The following MAGI2 variants were observed in gnomAD, a reference collection of about 807,000 sequenced individuals.
MAGI2 encodes membrane-associated guanylate kinase, WW and PDZ domain-containing protein 2.
Under a neutral mutation model 133.3 loss-of-function variants are expected in MAGI2, and 35 were observed. The ratio of observed to expected loss-of-function variants is 0.26; its 90% CI spans 0.20 to 0.35. MAGI2 has a LOEUF of 0.35. Among genes scored for constraint, MAGI2 ranks in the 10% least tolerant of loss-of-function variants. The pLI, the probability that MAGI2 is intolerant of heterozygous loss-of-function variation, is 1.00. For synonymous variants in MAGI2, 729 were observed against 710.6 expected, an observed-to-expected ratio of 1.03 and a Z score of -0.41; for missense variants, 1,636 against 1,863.4, an observed-to-expected ratio of 0.88 and a Z score of 2.25.
intron 2 of MAGI2, among the ~76,000 whole-genome samples, chr7:78,726,678 A>G (rs941857389): frequency 3.9e-5 from 6 of 152,196 alleles, no homozygotes; most frequent in African/African-American, 1.4e-4. Context: ...CCAAGTAATA[A>G]TCTAGAATGC....
At chr7:79,315,732 A>T (rs1465744641) in intron 1 of MAGI2, among the ~76,000 whole-genome samples, 1 of 152,196 alleles carries the variant, frequency 6.6e-6, no homozygotes, top group Non-Finnish European at 1.5e-5. Context: ...TAGAGCATAA[A>T]GTCCAGTAAC....
chr7:78,538,209 A>G (rs971550776), intron 3 of MAGI2, among the ~76,000 whole-genome samples: 2 of 152,166 alleles, frequency 1.3e-5, no homozygotes, highest in African/African-American at 4.8e-5. Context: ...TGCCAGCACC[A>G]TGCTGTTTTG....
intron 1 of MAGI2, among the ~76,000 whole-genome samples, chr7:79,333,150 T>C (rs1840207200): frequency 6.6e-6 from 1 of 152,116 alleles, no homozygotes; most frequent in South Asian, 2.1e-4. Flanking sequence ...TTTTTCTTTT[T>C]TCTTTTTCTG....
chr7:78,752,113 A>C (rs1159512716), intron 2 of MAGI2, among the ~76,000 whole-genome samples: 1 of 152,186 alleles, frequency 6.6e-6, no homozygotes, highest in Admixed American at 6.5e-5. Context: ...TTTTGCTCTG[A>C]ATTCAATGGT....
intron 6 of MAGI2, among the ~76,000 whole-genome samples, chr7:78,455,431 A>G (rs1408137700): frequency 6.6e-6 from 1 of 152,128 alleles, no homozygotes; most frequent in Non-Finnish European, 1.5e-5. Flanking sequence ...CCTTGCTTCT[A>G]GCATTCATAC....
intron 12 of MAGI2, among the ~76,000 whole-genome samples, chr7:78,187,397 G>A (rs996177854): frequency 9.1e-4 from 138 of 152,144 alleles, no homozygotes; most frequent in African/African-American, 3.1e-3. Flanking sequence ...GAAAGGCAGA[G>A]AATAAGAATA....
intron 3 of MAGI2, among the ~76,000 whole-genome samples, chr7:78,539,453 A>T (rs1488648659): frequency 6.6e-6 from 1 of 151,436 alleles, no homozygotes; most frequent in Admixed American, 6.6e-5. Flanking sequence ...TATGTTCATC[A>T]GGGATATTGG....
intron 1 of MAGI2, among the ~76,000 whole-genome samples, chr7:79,098,867 C>T (rs1817731931): frequency 6.6e-6 from 1 of 152,198 alleles, no homozygotes; most frequent in Admixed American, 6.5e-5. Flanking sequence ...TGTTCTCCCA[C>T]AGTTATGCAC....
intron 1 of MAGI2, among the ~76,000 whole-genome samples, chr7:79,381,192 C>T (rs1563170743): frequency 6.6e-6 from 1 of 151,664 alleles, no homozygotes; most frequent in Non-Finnish European, 1.5e-5. Context: ...TCTGCATCTC[C>T]TTTTTTTGTT....
intron 6 of MAGI2, among the ~76,000 whole-genome samples, chr7:78,466,251 C>A (rs1242326659): frequency 6.6e-6 from 1 of 152,196 alleles, no homozygotes. Flanking sequence ...GCTCCCTTTC[C>A]ACTCAGCCTA....
chr7:79,385,813 T>C (rs771636055), intron 1 of MAGI2, among the ~76,000 whole-genome samples: 2 of 151,984 alleles, frequency 1.3e-5, no homozygotes, highest in East Asian at 1.9e-4. Flanking sequence ...GTATTAGGGA[T>C]CTTTGTTAAA....
At chr7:78,641,214 A>T (rs1584936963) in intron 2 of MAGI2, among the ~76,000 whole-genome samples, 3 of 152,320 alleles carry the variant, frequency 2.0e-5, no homozygotes, top group South Asian at 2.1e-4. Context: ...GTATGTTCTC[A>T]TAGCAGTGTA....
chr7:78,628,511 G>T (rs1159662713), intron 2 of MAGI2, among the ~76,000 whole-genome samples: 1 of 152,018 alleles, frequency 6.6e-6, no homozygotes, highest in Non-Finnish European at 1.5e-5. Flanking sequence ...GAAGCAGAAG[G>T]TAATGTCAGA....
intron 11 of MAGI2, among the ~76,000 whole-genome samples, chr7:78,196,614 A>G (rs1828761213): frequency 6.6e-6 from 1 of 151,822 alleles, no homozygotes; most frequent in Non-Finnish European, 1.5e-5. Context: ...GGTGCCATAT[A>G]CTCCAGTGTT....
rs535297273 is a variant in MAGI2, at chr7:78,060,820, G to A, written c.3706+18127C>T. On this transcript the variant is annotated intron_variant, in intron 21 of 21. Transcript: ENST00000354212. ...TAATGGAGTATTGTGTGAGATAGGA[G>A]ATGAGAGTGAATAGCAGGATGGGGC... is the stretch of plus-strand genomic sequence containing the variant. 2.0e-5 allele frequency among the ~76,000 whole-genome samples: 3 copies of A among 152,284 alleles called. No individual in the cohort carries two copies. The East Asian group carries it at 5.8e-4, about 29-fold the overall frequency.
At chr7:78,126,736 C>T (rs1368560597) in intron 19 of MAGI2, among the ~76,000 whole-genome samples, 1 of 152,232 alleles carries the variant, frequency 6.6e-6, no homozygotes, top group Non-Finnish European at 1.5e-5. Context: ...TGGTCTTATT[C>T]TTACGCACAG....
intron 1 of MAGI2, among the ~76,000 whole-genome samples, chr7:79,149,367 G>A (rs906591210): frequency 2.7e-4 from 41 of 151,598 alleles, no homozygotes; most frequent in African/African-American, 9.4e-4. Context: ...CTGGCTAAAT[G>A]GCTCCTCTCA....
At chr7:79,079,398 G>A (rs1199977931) in intron 1 of MAGI2, among the ~76,000 whole-genome samples, 1 of 152,156 alleles carries the variant, frequency 6.6e-6, no homozygotes, top group Non-Finnish European at 1.5e-5. Context: ...TGGTCGATAA[G>A]GTGTTCTATG....
chr7:79,418,485 C>T (rs183670497), intron 1 of MAGI2, among the ~76,000 whole-genome samples: 10 of 152,018 alleles, frequency 6.6e-5, no homozygotes, highest in African/African-American at 1.7e-4. Flanking sequence ...TGATCAACAG[C>T]GCCACAATCA....
Sources: allele counts gnomAD v4.1 joint callset (sites outside exome capture counted in the v4.1 genomes callset), GRCh38; gene constraint gnomAD v4.1.1; transcripts MANE v1.5; gene names NCBI Gene and HGNC (gene_info 2026-07-23, HGNC 2026-07-21).